PHACTR3: variants seen among roughly 807,000 people sequenced by gnomAD.
PHACTR3 encodes phosphatase and actin regulator 3.
Under a neutral mutation model 66.8 loss-of-function variants are expected in PHACTR3, and 16 were observed. The observed-to-expected ratio is 0.24, with a 90% confidence interval of 0.16 to 0.36. The LOEUF is 0.36. PHACTR3 is among the 10% of genes least tolerant of loss of function. The pLI, the probability that PHACTR3 is intolerant of heterozygous loss-of-function variation, is 1.00. For synonymous variants in PHACTR3, 323 were observed against 292.1 expected, an observed-to-expected ratio of 1.11 and a Z score of -1.08; for missense variants, 647 against 719.9, an observed-to-expected ratio of 0.90 and a Z score of 1.16.
Position 59,829,403 on chromosome 20 carries a change from G to A in PHACTR3, c.1329-7102G>A, listed in dbSNP as rs943992598. Among the ~76,000 whole-genome samples the A allele has an allele frequency of 6.6e-6, 1 of 152,186 alleles. No individual in the cohort carries two copies. The highest frequency in any genetic ancestry group is 1.5e-5 in the Non-Finnish European group (1 of 68,026). On this transcript the variant is annotated intron_variant, in intron 8 of 12. Transcript: ENST00000371015. This position sits in a 1 kb window ranked among gnomAD's most constrained non-coding sequence, Gnocchi z 4.2. ...TCATCCAGGCCTCATCTTATGGCCT[G>A]GAGAGTCCTCTTCTCTTCCTGAACT...
At chr20:59,809,300 C>T (rs1184741451) in intron 8 of PHACTR3, among the ~76,000 whole-genome samples, 4 of 152,112 alleles carry the variant, frequency 2.6e-5, no homozygotes, top group Non-Finnish European at 5.9e-5. Flanking sequence ...GTGCAGGTTG[C>T]ATTTCTACCA....
At chr20:59,800,775 G>C (rs866297366) in intron 7 of PHACTR3, among the ~76,000 whole-genome samples, 2 of 152,106 alleles carry the variant, frequency 1.3e-5, no homozygotes, top group South Asian at 4.1e-4. Flanking sequence ...AAATACTCTT[G>C]AGTTTTGTTC....
chr20:59,733,331 T>G lies in PHACTR3; in HGVS notation c.119-9776T>G, dbSNP rs922645317. On this transcript the variant is annotated intron_variant, in intron 1 of 12. Transcript: ENST00000371015. ...CATTTGGGAGATTGAAATCTATTTC[T>G]AAAACTTGATTTTGGAGGTTCAGCT... Among the ~76,000 whole-genome samples the G allele has an allele frequency of 6.8e-4, 104 of 152,162 alleles. 2 individuals carry two copies. Among genetic ancestry groups the G allele is most frequent in the Non-Finnish European group, 3.1e-4 (21 of 68,014 alleles).
intron 1 of PHACTR3, 29 bp downstream of exon 1, chr20:59,605,161 G>T: frequency 8.0e-7 from 1 of 1,247,614 alleles, no homozygotes; most frequent in Non-Finnish European, 1.0e-6. Context: ...GCGGCGGGCG[G>T]GTCGGGGAGG....
intron 1 of PHACTR3, among the ~76,000 whole-genome samples, chr20:59,739,379 T>G (rs190545147): frequency 2.6e-4 from 39 of 152,070 alleles, no homozygotes; most frequent in Non-Finnish European, 4.9e-4. Context: ...GTGCCCCCGA[T>G]AAAACAAAAA....
intron 7 of PHACTR3, among the ~76,000 whole-genome samples, chr20:59,802,332 T>G (rs1198489899): frequency 6.6e-6 from 1 of 152,074 alleles, no homozygotes; most frequent in Non-Finnish European, 1.5e-5. Context: ...CCTGGGCACA[T>G]CCACCTCTGG....
chr20:59,632,505 C>A (rs2034704609), intron 1 of PHACTR3, among the ~76,000 whole-genome samples: 1 of 152,194 alleles, frequency 6.6e-6, no homozygotes. Context: ...CCATTTTCCC[C>A]AACCCAGCTG....
intron 1 of PHACTR3, among the ~76,000 whole-genome samples, chr20:59,635,162 T>TTTCC (rs2034832938): frequency 1.8e-5 from 1 of 55,018 alleles, no homozygotes; most frequent in Non-Finnish European, 3.4e-5. Flanking sequence ...TCTTTCTTTC[T>TTTCC]TTCTTTCCTT....
intron 1 of PHACTR3, among the ~76,000 whole-genome samples, chr20:59,687,203 T>C (rs1401642174): frequency 6.6e-6 from 1 of 150,904 alleles, no homozygotes; most frequent in Non-Finnish European, 1.5e-5. Context: ...ATGATGATCA[T>C]GGCAGTGATG....
intron 4 of PHACTR3, among the ~76,000 whole-genome samples, chr20:59,765,273 T>G (rs1389304501): frequency 6.6e-6 from 1 of 152,216 alleles, no homozygotes; most frequent in African/African-American, 2.4e-5. Context: ...TAAACCCTTT[T>G]TAACAAGTAA....
In PHACTR3 at chr20:59,830,968, CCTGA is replaced by C. The variant is rs2042352847; in HGVS notation, c.1329-5533_1329-5530del. On this transcript the variant is annotated intron_variant, in intron 8 of 12. Transcript: ENST00000371015. The surrounding 1 kb of genome is among the most constrained non-coding windows in gnomAD (Gnocchi z 5.8). ...TGACTCCTGGAGCCTCTCCAGGCGT[CCTGA>C]CTGTCCAGGCTGTCGGCGGTCTCAT... 6.9e-6 allele frequency among the ~76,000 whole-genome samples: 1 copy of C among 144,692 alleles called. No individual in the cohort carries two copies. Among genetic ancestry groups the C allele is most frequent in the Non-Finnish European group, 1.5e-5 (1 of 67,930 alleles). 94.9% of individuals were successfully genotyped at this position (144,692 alleles called of 152,430 possible).
At chr20:59,751,697 G>A (rs2039591751) in intron 3 of PHACTR3, among the ~76,000 whole-genome samples, 1 of 152,086 alleles carries the variant, frequency 6.6e-6, no homozygotes, top group Non-Finnish European at 1.5e-5. Flanking sequence ...TCTCGTTCCT[G>A]TGACTCTAGT....
intron 1 of PHACTR3, among the ~76,000 whole-genome samples, chr20:59,648,926 G>A (rs1415389502): frequency 6.6e-6 from 1 of 152,208 alleles, no homozygotes; most frequent in Non-Finnish European, 1.5e-5. Context: ...TAGGAGGAGA[G>A]AGTCCTGTTG....
intron 7 of PHACTR3, among the ~76,000 whole-genome samples, chr20:59,783,226 G>A (rs1171031023): frequency 1.3e-5 from 2 of 152,176 alleles, no homozygotes; most frequent in African/African-American, 4.8e-5. Context: ...GCCACTCCCT[G>A]CACTGACACC....
chr20:59,649,341 G>A (rs2035386100), intron 1 of PHACTR3, among the ~76,000 whole-genome samples: 1 of 152,318 alleles, frequency 6.6e-6, no homozygotes, highest in Non-Finnish European at 1.5e-5. Flanking sequence ...TTTCTTTAAA[G>A]CATGTGTCTT....
intron 7 of PHACTR3, among the ~76,000 whole-genome samples, chr20:59,801,832 GA>G (rs2041421960): frequency 6.6e-6 from 1 of 152,242 alleles, no homozygotes; most frequent in South Asian, 2.1e-4. Flanking sequence ...TGCACAAATA[GA>G]AACACACATA....
chr20:59,765,016 C>G (rs1286496150), intron 4 of PHACTR3, among the ~76,000 whole-genome samples: 1 of 152,182 alleles, frequency 6.6e-6, no homozygotes, highest in Non-Finnish European at 1.5e-5. Flanking sequence ...CTGATTTACA[C>G]AAGACAGAAA....
intron 8 of PHACTR3, among the ~76,000 whole-genome samples, chr20:59,822,089 T>C (rs1467908451): frequency 0.038 from 449 of 11,906 alleles, 1 homozygote; most frequent in African/African-American, 0.15. Context: ...CCACCCCTTC[T>C]CCAGCGATCC....
At chr20:59,700,073 A>G (rs979580902) in intron 1 of PHACTR3, among the ~76,000 whole-genome samples, 1 of 152,156 alleles carries the variant, frequency 6.6e-6, no homozygotes, top group South Asian at 2.1e-4. Flanking sequence ...TTTCTTTTTC[A>G]TGATTTCTTG....
Sources: allele counts gnomAD v4.1 joint callset (sites outside exome capture counted in the v4.1 genomes callset), GRCh38; gene constraint gnomAD v4.1.1; non-coding constraint Gnocchi (gnomAD v3.1); transcripts MANE v1.5; gene names NCBI Gene and HGNC (gene_info 2026-07-23, HGNC 2026-07-21).